SYBU: variants seen among roughly 807,000 people sequenced by gnomAD.
SYBU encodes syntabulin.
A neutral mutation model predicts 35.9 loss-of-function variants in SYBU; 21 were observed. The observed-to-expected ratio is 0.58, with a 90% CI of 0.41 to 0.84. The LOEUF (loss-of-function observed/expected upper bound fraction) is 0.84. Among genes scored for constraint, SYBU ranks in the 40% least tolerant of loss-of-function variants. SYBU has a pLI of 0.00. For synonymous variants in SYBU, 319 were observed against 324.3 expected, an observed-to-expected ratio of 0.98 and a Z score of 0.18; for missense variants, 768 against 848.2, an observed-to-expected ratio of 0.91 and a Z score of 1.17.
At chr8:109,576,159 G>A (rs34411835) in intron 6 of SYBU, 146 bp from the exon 7 acceptor site, 10 of 1,053,210 alleles carry the variant, frequency 9.5e-6, no homozygotes, top group Non-Finnish European at 1.3e-5. Flanking sequence ...TGTGAAATCA[G>A]TTTTCAATGC....
intron 1 of SYBU, among the ~76,000 whole-genome samples, chr8:109,687,164 TTAAG>T (rs1379861250): frequency 6.6e-6 from 1 of 152,106 alleles, no homozygotes; most frequent in African/African-American, 2.4e-5. Flanking sequence ...ACTTTATATT[TTAAG>T]TAAGAAGCAA....
intron 3 of SYBU, among the ~76,000 whole-genome samples, chr8:109,593,185 T>C (rs938792087): frequency 2.0e-5 from 3 of 152,176 alleles, no homozygotes; most frequent in South Asian, 4.1e-4. Context: ...AGGTGGTCCA[T>C]GAACCATATT....
intron 1 of SYBU, among the ~76,000 whole-genome samples, chr8:109,654,016 C>T (rs1031737848): frequency 6.6e-6 from 1 of 152,158 alleles, no homozygotes; most frequent in Non-Finnish European, 1.5e-5. Flanking sequence ...GAAGAGCACC[C>T]TGCACACACT....
chr8:109,600,844 A>T (rs777153603), intron 3 of SYBU, among the ~76,000 whole-genome samples: 1 of 152,172 alleles, frequency 6.6e-6, no homozygotes, highest in Non-Finnish European at 1.5e-5. Context: ...AGTTCAGCAG[A>T]CGTTTAATGC....
exon 1 of SYBU, chr8:109,680,902 G>T (rs1760819002): frequency 6.6e-6 from 1 of 152,232 alleles, no homozygotes; most frequent in African/African-American, 2.4e-5. Flanking sequence ...ACCTCCCTTT[G>T]TTCTAAGTAG....
rs189824872 is a variant in SYBU, at chr8:109,577,304, G to A, written c.884+564C>T. 5.7e-4 allele frequency among the ~76,000 whole-genome samples: 86 copies of A among 151,600 alleles called. 1 individual carries two copies. The highest frequency in any genetic ancestry group is 2.0e-3 in the African/African-American group (83 of 41,316). On this transcript the variant is annotated intron_variant, in intron 6 of 6. Transcript: ENST00000276646. ...GGAAAATGATCAAGCAGAAAAACTGGCCTGCTGCCCAGATGTCAAAAGTCT... is the reference window on the plus strand; with the variant it reads ...GGAAAATGATCAAGCAGAAAAACTGACCTGCTGCCCAGATGTCAAAAGTCT...
At chr8:109,590,549 AAC>A (rs548155620) in intron 3 of SYBU, among the ~76,000 whole-genome samples, 15 of 151,338 alleles carry the variant, frequency 9.9e-5, no homozygotes, top group Admixed American at 2.0e-4. Context: ...TACTTAAAAT[AAC>A]ACACACACAC....
At chr8:109,581,888 C>T (rs1013304956) in intron 4 of SYBU, among the ~76,000 whole-genome samples, 2 of 152,234 alleles carry the variant, frequency 1.3e-5, no homozygotes, top group Non-Finnish European at 2.9e-5. Context: ...GAACGCCGCT[C>T]TTCTCTTCGT....
At chr8:109,648,991 C>CTTT (rs1815995371), upstream of SYBU, 1 of 117,874 alleles carries the variant, frequency 8.5e-6, no homozygotes, top group African/African-American at 3.6e-5. Context: ...CAACCCTCCT[C>CTTT]CTTTTTTTTT....
chr8:109,672,927 T>A (rs548194861), intron 1 of SYBU, among the ~76,000 whole-genome samples: 2 of 152,336 alleles, frequency 1.3e-5, no homozygotes, highest in South Asian at 4.1e-4. Context: ...AAGTTTGGAC[T>A]GGGTGGAGCC....
chr8:109,591,506 A>AATTTT (rs1824244271), intron 3 of SYBU, among the ~76,000 whole-genome samples: 1 of 100,942 alleles, frequency 9.9e-6, no homozygotes, highest in African/African-American at 4.1e-5. Context: ...AAAAATGTAA[A>AATTTT]TTTTTTTTTT....
chr8:109,579,688 G>A (rs1400956675), intron 5 of SYBU, 111 bp downstream of exon 5: 1 of 1,010,372 alleles, frequency 9.9e-7, no homozygotes, highest in African/African-American at 1.6e-5. Flanking sequence ...GCAGTGTCTT[G>A]TAGAATCAGG....
intron 1 of SYBU, among the ~76,000 whole-genome samples, chr8:109,677,458 CA>C: frequency 6.6e-6 from 1 of 152,326 alleles, no homozygotes; most frequent in South Asian, 2.1e-4. Flanking sequence ...AAATACACCT[CA>C]TGTTCCAGGC....
intron 2 of SYBU, among the ~76,000 whole-genome samples, chr8:109,629,068 T>C (rs2130494966): frequency 6.6e-6 from 1 of 152,056 alleles, no homozygotes; most frequent in Admixed American, 6.5e-5. Flanking sequence ...AGGAATATGG[T>C]GCATTATGGA....
intron 3 of SYBU, among the ~76,000 whole-genome samples, chr8:109,593,870 G>A (rs1157598468): frequency 6.6e-6 from 1 of 152,166 alleles, no homozygotes; most frequent in Admixed American, 6.5e-5. Context: ...TCTGGGAAAG[G>A]TTACATCCAC....
chr8:109,620,893 A>T (rs922538709), intron 2 of SYBU, among the ~76,000 whole-genome samples: 31 of 152,292 alleles, frequency 2.0e-4, no homozygotes, highest in Admixed American at 2.6e-4. Context: ...TCAGACACAG[A>T]TTCCAGCAAT....
At chr8:109,620,866 G>A (rs1156394270) in intron 2 of SYBU, among the ~76,000 whole-genome samples, 1 of 152,150 alleles carries the variant, frequency 6.6e-6, no homozygotes, top group African/African-American at 2.4e-5. Context: ...TTTTAAAGGT[G>A]TAAAGTTGCT....
chr8:109,625,603 T>A lies in SYBU; in HGVS notation c.230-6564A>T, dbSNP rs115475433. Among the ~76,000 whole-genome samples, 859 of 152,166 alleles carry A rather than the reference T, an allele frequency of 5.6e-3. 4 individuals are homozygous for A. Among genetic ancestry groups the A allele is most frequent in the African/African-American group, 0.018 (740 of 41,508 alleles). On this transcript the variant is annotated intron_variant, in intron 2 of 6. Coordinates refer to ENST00000276646, the MANE Select transcript of SYBU (RefSeq NM_001099754.2). The stretch of plus-strand genomic sequence containing the variant: ...TGTTCAGCTTATTTTTAATTTTTTT[T>A]AAGGGACAGAATCTTGCTTTGTTGG...
Position 109,575,138 on chromosome 8 carries a change from A to G in SYBU, c.1760T>C (p.Leu587Ser). The G allele has an allele frequency of 6.2e-7, 1 of 1,614,186 alleles. No individual in the cohort carries two copies. The highest frequency in any genetic ancestry group is 8.5e-7 in the Non-Finnish European group (1 of 1,180,010). Residue 587 changes from leucine (L) to serine (S), a missense_variant, in exon 7 of 7, where the codon TTG becomes TCG. Transcript: ENST00000276646. ...LDFAACVEER[L>S]DGVIPLARGG... ...GCGAGCCAGTGGGATGACACCATCC[A>G]ACCTCTCTTCCACGCAGGCTGCAAA...
Sources: allele counts gnomAD v4.1 joint callset (sites outside exome capture counted in the v4.1 genomes callset), GRCh38; gene constraint gnomAD v4.1.1; transcripts MANE v1.5; gene names NCBI Gene and HGNC (gene_info 2026-07-23, HGNC 2026-07-21).